RUNX2: variants seen among roughly 807,000 people sequenced by gnomAD.
RUNX2 encodes the protein runt-related transcription factor 2.
A neutral mutation model predicts 51.7 loss-of-function variants in RUNX2; 10 were observed. The observed-to-expected ratio is 0.19, with a 90% confidence interval of 0.12 to 0.33. The LOEUF (loss-of-function observed/expected upper bound fraction) is 0.33, where lower values mean the gene tolerates loss of function less well. RUNX2 is among the 10% of genes least tolerant of loss of function. The pLI is 1.00. For synonymous variants in RUNX2, 276 were observed against 273.6 expected, an observed-to-expected ratio of 1.01 and a Z score of -0.09; for missense variants, 562 against 691.3, an observed-to-expected ratio of 0.81 and a Z score of 2.10.
At chr6:45,492,166 G>A (rs1800500793) in intron 6 of RUNX2, 52 bp downstream of exon 6, 2 of 1,579,248 alleles carry the variant, frequency 1.3e-6, no homozygotes, top group Non-Finnish European at 1.7e-6. Flanking sequence ...GGCTGGGGGT[G>A]AGGGGCTACC....
intron 5 of RUNX2, among the ~76,000 whole-genome samples, chr6:45,483,402 T>C (rs1484725013): frequency 6.6e-6 from 1 of 152,142 alleles, no homozygotes; most frequent in Non-Finnish European, 1.5e-5. Flanking sequence ...TACAGATAAT[T>C]TTAAATTTAT....
intron 7 of RUNX2, among the ~76,000 whole-genome samples, chr6:45,517,640 CT>C (rs1801373194): frequency 6.6e-6 from 1 of 152,048 alleles, no homozygotes; most frequent in South Asian, 2.1e-4. Context: ...AATATTAACA[CT>C]TTTCACTTAC....
chr6:45,503,377 A>G (rs541809940), intron 6 of RUNX2, among the ~76,000 whole-genome samples: 1 of 152,294 alleles, frequency 6.6e-6, no homozygotes, highest in East Asian at 1.9e-4. Flanking sequence ...ATGAGAGACA[A>G]TTACTAGAAC....
At chr6:45,390,202 G>A (rs1297002355) in intron 2 of RUNX2, among the ~76,000 whole-genome samples, 1 of 152,132 alleles carries the variant, frequency 6.6e-6, no homozygotes, top group Admixed American at 6.6e-5. Context: ...TCTCAGTAAT[G>A]TGATAATAAT....
intron 2 of RUNX2, among the ~76,000 whole-genome samples, chr6:45,382,085 C>T (rs1379444562): frequency 6.6e-6 from 1 of 152,062 alleles, no homozygotes; most frequent in South Asian, 2.1e-4. Flanking sequence ...TTTCAAAGAG[C>T]CTTTGAGCTC....
intron 7 of RUNX2, among the ~76,000 whole-genome samples, chr6:45,522,570 T>C (rs1323856107): frequency 6.6e-6 from 1 of 152,216 alleles, no homozygotes; most frequent in Non-Finnish European, 1.5e-5. Context: ...GTGACAAGGA[T>C]ATGGAGGATC....
At chr6:45,492,290 T>A (rs762320127) in intron 6 of RUNX2, among the ~76,000 whole-genome samples, 176 bp downstream of exon 6, 2 of 152,066 alleles carry the variant, frequency 1.3e-5, no homozygotes, top group Non-Finnish European at 2.9e-5. Flanking sequence ...TAACATTCAA[T>A]AACTTGGGGA....
chr6:45,336,874 C>T (rs1415250637), intron 2 of RUNX2, among the ~76,000 whole-genome samples: 1 of 151,308 alleles, frequency 6.6e-6, no homozygotes, highest in Non-Finnish European at 1.5e-5. Context: ...TTTTTTTGAT[C>T]CAGAAACATC....
At chr6:45,333,092 A>C (rs1451367784) in intron 2 of RUNX2, among the ~76,000 whole-genome samples, 1 of 151,744 alleles carries the variant, frequency 6.6e-6, no homozygotes, top group Non-Finnish European at 1.5e-5. Flanking sequence ...AAAATTCTTC[A>C]TCAAATCTGA....
chr6:45,404,284 AAAAG>A (rs1797785979), intron 2 of RUNX2, among the ~76,000 whole-genome samples: 1 of 140,078 alleles, frequency 7.1e-6, no homozygotes, highest in Non-Finnish European at 1.6e-5. Flanking sequence ...AGAAAAAGAA[AAAAG>A]AAAAAAAAAA....
intron 2 of RUNX2, among the ~76,000 whole-genome samples, chr6:45,352,305 A>G (rs1045392152): frequency 6.6e-6 from 1 of 152,162 alleles, no homozygotes; most frequent in Non-Finnish European, 1.5e-5. Flanking sequence ...CTCAAAACTG[A>G]TATTATGTTT....
At chr6:45,399,290 C>T (rs1797647509) in intron 2 of RUNX2, among the ~76,000 whole-genome samples, 1 of 151,428 alleles carries the variant, frequency 6.6e-6, no homozygotes, top group Admixed American at 6.6e-5. Flanking sequence ...TTTCTCTTCC[C>T]CCTTTCCCTT....
intron 7 of RUNX2, among the ~76,000 whole-genome samples, chr6:45,514,126 A>T (rs1466721993): frequency 6.6e-6 from 1 of 152,180 alleles, no homozygotes; most frequent in Non-Finnish European, 1.5e-5. Context: ...ACCTACAAGA[A>T]AAAAACCTCA....
intron 2 of RUNX2, chr6:45,372,075 T>A: frequency 2.1e-6 from 2 of 942,044 alleles, no homozygotes; most frequent in Non-Finnish European, 2.5e-6. Context: ...AATGTGTATG[T>A]CACAGTGAAC....
intron 7 of RUNX2, among the ~76,000 whole-genome samples, chr6:45,543,082 T>A (rs879436976): frequency 3.3e-5 from 5 of 152,218 alleles, no homozygotes; most frequent in Non-Finnish European, 5.9e-5. Context: ...TTTTTATTTA[T>A]CTAAAAATTC....
At chr6:45,511,524 TG>T (rs1277697152) in intron 6 of RUNX2, among the ~76,000 whole-genome samples, 1 of 152,250 alleles carries the variant, frequency 6.6e-6, no homozygotes, top group African/African-American at 2.4e-5. Context: ...TAGTTGACTT[TG>T]AAATTAAATT....
intron 7 of RUNX2, among the ~76,000 whole-genome samples, chr6:45,523,268 A>ATTC (rs1376478707): frequency 6.6e-6 from 1 of 151,950 alleles, no homozygotes; most frequent in Non-Finnish European, 1.5e-5. Context: ...TATTATTATT[A>ATTC]TTTTATTAAT....
intron 2 of RUNX2, among the ~76,000 whole-genome samples, chr6:45,379,722 C>G (rs964328873): frequency 6.6e-6 from 1 of 151,990 alleles, no homozygotes; most frequent in South Asian, 2.1e-4. Context: ...AAAAAGTATC[C>G]GGGCGTGGTG....
intron 2 of RUNX2, among the ~76,000 whole-genome samples, chr6:45,400,682 A>C (rs1377449673): frequency 6.6e-6 from 1 of 152,138 alleles, no homozygotes; most frequent in East Asian, 1.9e-4. Context: ...GTCTCTCTGC[A>C]TCTATTTACA....
Sources: allele counts gnomAD v4.1 joint callset (sites outside exome capture counted in the v4.1 genomes callset), GRCh38; gene constraint gnomAD v4.1.1; transcripts MANE v1.5; gene names NCBI Gene and HGNC (gene_info 2026-07-23, HGNC 2026-07-21).